FAM168B: variants seen among roughly 807,000 people sequenced by gnomAD.
FAM168B encodes family with sequence similarity 168 member B, also known as myelin-associated neurite-outgrowth inhibitor.
FAM168B carries 19 observed loss-of-function variants against 21.8 expected under a neutral mutation model. The ratio of observed to expected loss-of-function variants is 0.87; its 90% confidence interval spans 0.61 to 1.28. FAM168B has a LOEUF of 1.28. Among genes scored for constraint, FAM168B ranks in the 50% most tolerant of loss-of-function variants. The probability of loss-of-function intolerance (pLI) is 0.00; values close to 1 mark genes in which losing one functional copy is unlikely to be tolerated. For synonymous variants in FAM168B, 126 were observed against 104.8 expected (o/e 1.20, Z -1.24); for missense variants, 233 against 263.1 (o/e 0.89, Z 0.79).
Position 131,051,806 on chromosome 2 carries a change from G to A in FAM168B, c.*659C>T. The A allele has an allele frequency of 2.0e-6, 2 of 985,382 alleles. No individual in the cohort carries two copies. Among genetic ancestry groups the A allele is most frequent in the Non-Finnish European group, 2.4e-6 (2 of 829,946 alleles). The allele number at this position is 985,382 out of a possible 1,614,324, so 61.0% of individuals were successfully genotyped here. A position where few individuals can be genotyped will look rare whatever the true frequency, so the allele number is the denominator to read the frequency against. On this transcript the variant is annotated 3_prime_UTR_variant, in exon 7 of 7. Coordinates refer to ENST00000389915, the MANE Select transcript of FAM168B (RefSeq NM_001009993.4). ...TGACTCCACCAAGCCTAAACTCAAA[G>A]GGATGTCCATGAACCAGCTGCACCC...
rs1439459853 is a variant in FAM168B at position 131,066,334 on chromosome 2, C to A, written c.154+5521G>T. 2.6e-5 allele frequency among the ~76,000 whole-genome samples: 4 copies of A among 152,140 alleles called. No individual in the cohort carries two copies. In the East Asian group the frequency reaches 7.8e-4, roughly 29 times the overall value. On this transcript the variant is annotated intron_variant, in intron 3 of 6. Coordinates refer to ENST00000389915, the MANE Select transcript of FAM168B (RefSeq NM_001009993.4). ...GGGACTACAGGCGCCCACCACCACA[C>A]CCGGCTAATTTTCTGTATTTTTAGT...
intron 3 of FAM168B, among the ~76,000 whole-genome samples, chr2:131,066,520 A>C (rs140325769): frequency 0.014 from 2,188 of 152,286 alleles, 30 homozygotes; most frequent in South Asian, 0.052. Context: ...ATAAATATCT[A>C]AACAACCTTG....
At chr2:131,092,500 T>C (rs1379726853) in intron 1 of FAM168B, among the ~76,000 whole-genome samples, 1 of 152,212 alleles carries the variant, frequency 6.6e-6, no homozygotes, top group Admixed American at 6.5e-5. Context: ...GTTTAAGGAG[T>C]GGAAACTATA....
chr2:131,091,714 G>A lies in FAM168B; in HGVS notation c.-12+1500C>T, dbSNP rs192867383. Among the ~76,000 whole-genome samples, 1,081 of 152,000 alleles carry A rather than the reference G, an allele frequency of 7.1e-3. 4 individuals carry two copies. The highest frequency in any genetic ancestry group is 0.011 in the Non-Finnish European group (740 of 67,964). On this transcript the variant is annotated intron_variant, in intron 1 of 6. Transcript: ENST00000389915. The stretch of plus-strand genomic sequence containing the variant: ...AACTTTACCTTCATTACCAAGGTTT[G>A]GGTTTGCATTTTACTGGGAGGAATT...
chr2:131,055,996 A>G (rs1411701767), intron 3 of FAM168B, among the ~76,000 whole-genome samples: 1 of 152,220 alleles, frequency 6.6e-6, no homozygotes, highest in Non-Finnish European at 1.5e-5. Context: ...GTCCTGCTGG[A>G]ATTTAAATTG....
At chr2:131,092,458 G>A (rs1403664585) in intron 1 of FAM168B, among the ~76,000 whole-genome samples, 1 of 152,164 alleles carries the variant, frequency 6.6e-6, no homozygotes, top group Non-Finnish European at 1.5e-5. Flanking sequence ...TTTGAGAAAA[G>A]TGATCTCAAA....
intron 3 of FAM168B, among the ~76,000 whole-genome samples, chr2:131,068,725 T>C (rs1375500432): frequency 6.6e-6 from 1 of 151,986 alleles, no homozygotes; most frequent in Non-Finnish European, 1.5e-5. Flanking sequence ...TTCGAGAAGA[T>C]GGGTGACAAG....
In FAM168B at chr2:131,071,944, G is replaced by A. The variant is rs1692892778; in HGVS notation, c.71-6C>T. Reference sequence around the variant, plus strand: ...ATAGCCCATGGGAAAACCAGCTGAAGAAAAATAAAGAACAATCTCATGTCA... The same window carrying A: ...ATAGCCCATGGGAAAACCAGCTGAAAAAAAATAAAGAACAATCTCATGTCA... On this transcript the variant is annotated splice_polypyrimidine_tract_variant and splice_region_variant and intron_variant, in intron 2 of 6. Coordinates refer to ENST00000389915, the MANE Select transcript of FAM168B (RefSeq NM_001009993.4). 18 of 1,612,844 alleles carry A rather than the reference G, an allele frequency of 1.1e-5. No homozygotes were observed. The highest frequency in any genetic ancestry group is 1.4e-5 in the Non-Finnish European group (17 of 1,179,222).
chr2:131,075,807 G>C (rs1428928926), intron 2 of FAM168B, among the ~76,000 whole-genome samples: 1 of 152,074 alleles, frequency 6.6e-6, no homozygotes, highest in Non-Finnish European at 1.5e-5. Context: ...CTAACAAGAA[G>C]TTAACACATC....
At chr2:131,052,520 G>A in intron 6 of FAM168B, 68 bp from the exon 7 acceptor site, 1 of 1,006,368 alleles carries the variant, frequency 9.9e-7, no homozygotes, top group Non-Finnish European at 1.2e-6. Flanking sequence ...AAAATCTCAA[G>A]TAGGATGAGG....
intron 3 of FAM168B, among the ~76,000 whole-genome samples, chr2:131,069,694 C>T (rs1342218569): frequency 3.3e-5 from 5 of 151,974 alleles, no homozygotes; most frequent in Non-Finnish European, 5.9e-5. Flanking sequence ...GGGGTTTCAC[C>T]GCGTTAGCCA....
At chr2:131,079,732 A>G (rs1443439858) in intron 2 of FAM168B, among the ~76,000 whole-genome samples, 1 of 152,196 alleles carries the variant, frequency 6.6e-6, no homozygotes, top group Non-Finnish European at 1.5e-5. Flanking sequence ...CACAAAAAAA[A>G]CAAACACACC....
At position 131,049,995 on chromosome 2, in the gene FAM168B, T is replaced by C; in HGVS notation, c.*2470A>G. The C allele has an allele frequency of 3.0e-6, 3 of 985,504 alleles. No individual in the cohort carries two copies. The highest frequency in any genetic ancestry group is 3.6e-6 in the Non-Finnish European group (3 of 829,942). 61.0% of individuals were successfully genotyped at this position (985,504 alleles called of 1,614,324 possible). ...TCTGACAGCTGACGTCCTAAAAATT[T>C]CAAAGTCAGAAAGATTTCTGCACGG... On this transcript the variant is annotated 3_prime_UTR_variant, in exon 7 of 7. Coordinates refer to ENST00000389915, the MANE Select transcript of FAM168B (RefSeq NM_001009993.4).
intron 1 of FAM168B, among the ~76,000 whole-genome samples, chr2:131,084,393 T>C (rs1209913230): frequency 2.6e-5 from 4 of 151,438 alleles, no homozygotes; most frequent in Non-Finnish European, 2.9e-5. Context: ...AGAGATGAGG[T>C]TCCATCATGT....
At chr2:131,063,435 TAAGAC>T (rs1180120217) in intron 3 of FAM168B, among the ~76,000 whole-genome samples, 3 of 152,208 alleles carry the variant, frequency 2.0e-5, no homozygotes, top group Admixed American at 1.3e-4. Flanking sequence ...AGCCAGCACT[TAAGAC>T]AAGTGCATTT....
chr2:131,079,113 T>C (rs561008555), intron 2 of FAM168B, among the ~76,000 whole-genome samples: 1 of 152,300 alleles, frequency 6.6e-6, no homozygotes, highest in East Asian at 1.9e-4. Flanking sequence ...GTGAAGGATC[T>C]TGAGATGAGG....
intron 1 of FAM168B, among the ~76,000 whole-genome samples, chr2:131,088,625 T>C (rs1353546167): frequency 3.9e-5 from 6 of 152,206 alleles, no homozygotes; most frequent in East Asian, 3.8e-4. Context: ...TGTGATTATG[T>C]ATAGTTACAT....
At chr2:131,068,408 C>T (rs181550849) in intron 3 of FAM168B, among the ~76,000 whole-genome samples, 3 of 152,160 alleles carry the variant, frequency 2.0e-5, no homozygotes, top group South Asian at 4.1e-4. Context: ...ATCTGCCCAC[C>T]TTGGCAACCC....
intron 5 of FAM168B, 86 bp downstream of exon 5, chr2:131,055,186 G>A: frequency 2.3e-6 from 3 of 1,292,918 alleles, no homozygotes; most frequent in South Asian, 2.0e-5. Context: ...AAAACCTAGA[G>A]CCAAGGGTCA....
Sources: allele counts gnomAD v4.1 joint callset (sites outside exome capture counted in the v4.1 genomes callset), GRCh38; gene constraint gnomAD v4.1.1; transcripts MANE v1.5; gene names NCBI Gene and HGNC (gene_info 2026-07-23, HGNC 2026-07-21).